RPRD2: variants seen among roughly 807,000 people sequenced by gnomAD.
The protein encoded by RPRD2 is regulation of nuclear pre-mRNA domain-containing protein 2.
A neutral mutation model predicts 104.4 loss-of-function variants in RPRD2; 12 were observed. The ratio of observed to expected loss-of-function variants is 0.11; its 90% CI spans 0.07 to 0.19. The LOEUF is 0.19. Among genes scored for constraint, RPRD2 ranks in the 10% least tolerant of loss-of-function variants. The probability of loss-of-function intolerance (pLI) is 1.00; values close to 1 mark genes in which losing one functional copy is unlikely to be tolerated. For missense variants in RPRD2, 1,543 were observed against 1,790.1 expected (o/e 0.86, Z 2.49); for synonymous variants, 714 against 684.9 (o/e 1.04, Z -0.66).
intron 9 of RPRD2, among the ~76,000 whole-genome samples, chr1:150,461,175 C>A (rs1336333675): frequency 2.0e-5 from 3 of 150,914 alleles, no homozygotes; most frequent in African/African-American, 7.3e-5. Context: ...TGGTAGATTG[C>A]CTGAGGCCAG....
intron 1 of RPRD2, among the ~76,000 whole-genome samples, chr1:150,407,816 G>A (rs1663594249): frequency 6.6e-6 from 1 of 152,122 alleles, no homozygotes; most frequent in Non-Finnish European, 1.5e-5. Flanking sequence ...TTTGTACTGA[G>A]TGTCCTTACA....
chr1:150,377,555 A>G (rs1239659569), intron 1 of RPRD2, among the ~76,000 whole-genome samples: 1 of 150,534 alleles, frequency 6.6e-6, no homozygotes, highest in African/African-American at 2.5e-5. Flanking sequence ...CCGAGATCGT[A>G]CCACTGCACT....
At chr1:150,385,759 G>A (rs947370142) in intron 1 of RPRD2, among the ~76,000 whole-genome samples, 2 of 152,208 alleles carry the variant, frequency 1.3e-5, no homozygotes, top group African/African-American at 2.4e-5. Flanking sequence ...AGCTGTCTCT[G>A]TTGAGTGGTT....
intron 1 of RPRD2, among the ~76,000 whole-genome samples, chr1:150,372,017 C>T (rs1660344725): frequency 6.6e-6 from 1 of 151,898 alleles, no homozygotes; most frequent in African/African-American, 2.4e-5. Context: ...AAAAATGGAA[C>T]ATAATTATTG....
At chr1:150,387,568 T>A (rs12740013) in intron 1 of RPRD2, among the ~76,000 whole-genome samples, 1 of 19,104 alleles carries the variant, frequency 5.2e-5, no homozygotes, top group African/African-American at 2.3e-4. Flanking sequence ...GCAACAGACC[T>A]TTTTTTTTTT....
intron 1 of RPRD2, among the ~76,000 whole-genome samples, chr1:150,375,329 CA>C (rs1490109491): frequency 6.6e-6 from 1 of 152,122 alleles, no homozygotes; most frequent in Non-Finnish European, 1.5e-5. Flanking sequence ...AGCAAATAAA[CA>C]TTCCCATAAC....
rs77085601 is a variant in RPRD2 at position 150,405,874 on chromosome 1, C to T, written c.206-11722C>T. ...CCATTAGTGCCCCTGTTATATTGAC[C>T]GCCAGGGTATTGCAGTGTTTGTGTT... is the stretch of plus-strand genomic sequence containing the variant. On this transcript the variant is annotated intron_variant, in intron 1 of 10. Coordinates refer to ENST00000369068, the MANE Select transcript of RPRD2 (RefSeq NM_015203.5). Among the ~76,000 whole-genome samples the T allele has an allele frequency of 9.9e-3, 1,501 of 152,216 alleles. 59 individuals are homozygous for T. The highest frequency in any genetic ancestry group is 0.067 in the Admixed American group (1,023 of 15,288).
chr1:150,407,092 T>G (rs1180387908), intron 1 of RPRD2, among the ~76,000 whole-genome samples: 1 of 152,238 alleles, frequency 6.6e-6, no homozygotes, highest in Non-Finnish European at 1.5e-5. Flanking sequence ...TCTGTATTAG[T>G]ATATTCTTTG....
Position 150,473,553 on chromosome 1 carries a change from TA to T in RPRD2, c.*220del. ...TTATCTACCTTCCCCAAGTTGTTTG[TA>T]TTAAAAAAAAAAAAAAAAAAAAAAA... On this transcript the variant is annotated 3_prime_UTR_variant, in exon 11 of 11. Coordinates refer to ENST00000369068, the MANE Select transcript of RPRD2 (RefSeq NM_015203.5). The T allele has an allele frequency of 6.9e-6, 1 of 144,666 alleles. No individual in the cohort carries two copies. The highest frequency in any genetic ancestry group is 1.3e-5 in the Non-Finnish European group (1 of 77,328). The allele number at this position is 144,666 out of a possible 1,614,324, so 9.0% of individuals were successfully genotyped here.
chr1:150,445,013 C>T (rs1572490263), intron 6 of RPRD2, among the ~76,000 whole-genome samples: 1 of 151,940 alleles, frequency 6.6e-6, no homozygotes, highest in African/African-American at 2.4e-5. Context: ...ATAGTGAGAC[C>T]CTGTCTCTAC....
At chr1:150,366,308 A>G (rs1659837823) in intron 1 of RPRD2, among the ~76,000 whole-genome samples, 1 of 152,260 alleles carries the variant, frequency 6.6e-6, no homozygotes, top group African/African-American at 2.4e-5. Context: ...GAGAACAGAT[A>G]GATAAAACTT....
chr1:150,384,493 AGGGATGGAGCTC>A (rs1661407118), intron 1 of RPRD2, among the ~76,000 whole-genome samples: 1 of 143,596 alleles, frequency 7.0e-6, no homozygotes, highest in African/African-American at 2.6e-5. Context: ...TATTATTATT[AGGGATGGAGCTC>A]TTGTTGCCCA....
At chr1:150,427,270 C>G (rs1283876032) in intron 2 of RPRD2, among the ~76,000 whole-genome samples, 1 of 152,136 alleles carries the variant, frequency 6.6e-6, no homozygotes, top group Non-Finnish European at 1.5e-5. Flanking sequence ...GTCCGGAGAT[C>G]GAGACCATCC....
chr1:150,422,124 C>A (rs782820302), intron 2 of RPRD2, among the ~76,000 whole-genome samples: 1 of 151,320 alleles, frequency 6.6e-6, no homozygotes, highest in African/African-American at 2.4e-5. Flanking sequence ...AGATCGAGAC[C>A]ATCCTTCCTG....
At chr1:150,370,106 C>T (rs950888039) in intron 1 of RPRD2, among the ~76,000 whole-genome samples, 2 of 151,766 alleles carry the variant, frequency 1.3e-5, no homozygotes, top group African/African-American at 4.8e-5. Flanking sequence ...TTTGTAGAGA[C>T]GAGGTATTGC....
intron 10 of RPRD2, among the ~76,000 whole-genome samples, chr1:150,466,083 G>C (rs1391936314): frequency 6.8e-6 from 1 of 146,164 alleles, no homozygotes; most frequent in Middle Eastern, 4.0e-3. Context: ...CTCTACAACG[G>C]AATTAAAAAT....
rs1205483659 is a variant in RPRD2 at position 150,427,483 on chromosome 1, AAAAAG to A, written c.335+9773_335+9777del. ...GCGAGACTCTATCTCAAAAAAAAAA[AAAAAG>A]AAAAGAAAAGAAAATGTTAAGGTAA... On this transcript the variant is annotated intron_variant, in intron 2 of 10. Transcript: ENST00000369068. Among the ~76,000 whole-genome samples the A allele has an allele frequency of 5.3e-5, 8 of 151,462 alleles. No homozygotes were observed. In the East Asian group the frequency reaches 5.8e-4, roughly 11 times the overall value.
At chr1:150,433,345 T>A (rs951221483) in intron 2 of RPRD2, among the ~76,000 whole-genome samples, 36 of 149,478 alleles carry the variant, frequency 2.4e-4, no homozygotes, top group African/African-American at 8.1e-4. Context: ...AAACAGAAAT[T>A]TACCATCAAC....
chr1:150,409,647 CTTTT>C (rs10684353), intron 1 of RPRD2, among the ~76,000 whole-genome samples: 1 of 114,610 alleles, frequency 8.7e-6, no homozygotes, highest in African/African-American at 3.2e-5. Flanking sequence ...TGTTGCAATT[CTTTT>C]TTTTTTTTTT....
Sources: gnomAD v4.1 joint callset for allele counts (sites outside exome capture counted in the v4.1 genomes callset) on GRCh38, gnomAD v4.1.1 for gene constraint, MANE v1.5 for transcripts, NCBI Gene and HGNC (gene_info 2026-07-23, HGNC 2026-07-21) for gene names.